Variants in SMIM17 observed in about 807,000 individuals in gnomAD.
SMIM17 encodes small integral membrane protein 17.
SMIM17 carries 10 observed loss-of-function variants against 12.2 expected under a neutral mutation model. The observed-to-expected ratio is 0.82, with a 90% CI of 0.50 to 1.39. SMIM17 has a LOEUF of 1.39. Among genes scored for constraint, SMIM17 ranks in the 40% most tolerant of loss-of-function variants. The pLI is 0.00. For missense variants in SMIM17, 136 were observed against 118.2 expected (o/e 1.15, Z -0.70); for synonymous variants, 50 against 44.1 (o/e 1.13, Z -0.53).
intron 3 of SMIM17, among the ~76,000 whole-genome samples, chr19:56,653,928 C>T (rs923070055): frequency 6.6e-6 from 1 of 152,076 alleles, no homozygotes; most frequent in African/African-American, 2.4e-5. Context: ...CCTAACTTTC[C>T]AGATAATCCA....
intron 3 of SMIM17, among the ~76,000 whole-genome samples, chr19:56,653,108 A>AACCAAC (rs2045122374): frequency 6.6e-6 from 1 of 152,218 alleles, no homozygotes; most frequent in South Asian, 2.1e-4. Context: ...ACATCCGTGT[A>AACCAAC]ACCAACACCC....
intron 3 of SMIM17, among the ~76,000 whole-genome samples, chr19:56,651,277 AT>A (rs1741840006): frequency 6.6e-6 from 1 of 152,150 alleles, no homozygotes; most frequent in South Asian, 2.1e-4. Flanking sequence ...CAACGTGTAA[AT>A]GGCAGAGCTA....
intron 2 of SMIM17, 108 bp from the exon 3 acceptor site, chr19:56,647,441 GAGAGAGAGA>G: frequency 1.6e-6 from 1 of 612,282 alleles, no homozygotes; most frequent in African/African-American, 2.2e-5. Flanking sequence ...GAGAGAGAGA[GAGAGAGAGA>G]GGAGGCTATT....
chr19:56,650,060 G>A (rs1435019139), intron 3 of SMIM17, among the ~76,000 whole-genome samples: 1 of 152,182 alleles, frequency 6.6e-6, no homozygotes, highest in Non-Finnish European at 1.5e-5. Context: ...AGAGTTTAGA[G>A]GGGCAAAGGA....
intron 3 of SMIM17, among the ~76,000 whole-genome samples, chr19:56,650,102 G>C (rs1378155778): frequency 6.6e-6 from 1 of 152,080 alleles, no homozygotes; most frequent in African/African-American, 2.4e-5. Context: ...AGGGAAAAAA[G>C]GTAGAAATGA....
chr19:56,648,165 TCCATCCATC>T (rs2045081119), intron 3 of SMIM17, among the ~76,000 whole-genome samples: 1 of 146,974 alleles, frequency 6.8e-6, no homozygotes, highest in African/African-American at 2.5e-5. Context: ...CATCCATCCA[TCCATCCATC>T]CATCCATGCA....
At chr19:56,655,047 A>T in intron 3 of SMIM17, 56 bp from the exon 4 acceptor site, 1 of 603,804 alleles carries the variant, frequency 1.7e-6, no homozygotes, top group Non-Finnish European at 3.0e-6. Context: ...TCCTGCAAGT[A>T]ACAATGGTGG....
chr19:56,644,043 T>A, intron 1 of SMIM17, among the ~76,000 whole-genome samples: 1 of 151,954 alleles, frequency 6.6e-6, no homozygotes, highest in East Asian at 1.9e-4. Flanking sequence ...TCTCATCCCC[T>A]TTCCTTCTTC....
rs2045074420 is a variant in SMIM17, at chr19:56,647,588, A to C, written c.200A>C (p.Gln67Pro). The part of the protein sequence containing the change: ...DLSSQETGLS[Q>P]EWSSVEEDDE... ...TCTTCTCAAGAGACTGGGCTTTCCC[A>C]GGAGTGGAGCTCGGTGGAGGAAGAT... Residue 67 changes from glutamine to proline, a missense_variant, in exon 3 of 4, where the codon CAG becomes CCG. Physicochemically the swap from Gln to Pro is moderately conservative, Grantham distance 76. Transcript: ENST00000598409. The C allele has an allele frequency of 6.5e-7, 1 of 1,535,788 alleles. No homozygotes were observed. The highest frequency in any genetic ancestry group is 8.7e-7 in the Non-Finnish European group (1 of 1,146,736).
At chr19:56,645,103 G>A (rs551174843) in intron 1 of SMIM17, among the ~76,000 whole-genome samples, 2 of 150,594 alleles carry the variant, frequency 1.3e-5, no homozygotes, top group South Asian at 2.1e-4. Flanking sequence ...GTGTGTATAT[G>A]AGTATGTGAG....
In SMIM17 at chr19:56,657,132, C is replaced by A. The variant is rs371351699; in HGVS notation, c.*1919C>A. Among the ~76,000 whole-genome samples the A allele has an allele frequency of 6.6e-6, 1 of 151,994 alleles. No homozygotes were observed. Among genetic ancestry groups the A allele is most frequent in the Admixed American group, 6.6e-5 (1 of 15,250 alleles). ...TTATGTACTCAACAGCTGTGTAATT[C>A]GAGGCATATAAGTGCAGCATTGTTA... On this transcript the variant is annotated 3_prime_UTR_variant, in exon 4 of 4. Transcript: ENST00000598409.
chr19:56,652,671 A>AAAAGAG (rs1555778634), intron 3 of SMIM17, among the ~76,000 whole-genome samples: 14 of 150,270 alleles, frequency 9.3e-5, no homozygotes, highest in Admixed American at 4.6e-4. Flanking sequence ...AGAAAAAAAA[A>AAAAGAG]AGAGAGAGAG....
In SMIM17 at chr19:56,656,959, C is replaced by G. The variant is rs557217480; in HGVS notation, c.*1746C>G. Among the ~76,000 whole-genome samples, 1 of 152,204 alleles carries G rather than the reference C, an allele frequency of 6.6e-6. No homozygotes were observed. The highest frequency in any genetic ancestry group is 2.1e-4 in the South Asian group (1 of 4,818). Reference sequence around the variant, plus strand: ...CTGTAGAACTGAAAACTTTATGTGCCTGTTAGTTAACTCAGTATCGTCAAT... The same window carrying G: ...CTGTAGAACTGAAAACTTTATGTGCGTGTTAGTTAACTCAGTATCGTCAAT... On this transcript the variant is annotated 3_prime_UTR_variant, in exon 4 of 4. Coordinates refer to ENST00000598409, the MANE Select transcript of SMIM17 (RefSeq NM_001193628.2).
At chr19:56,646,388 T>A (rs1446635834) in intron 2 of SMIM17, among the ~76,000 whole-genome samples, 1 of 152,202 alleles carries the variant, frequency 6.6e-6, no homozygotes, top group Non-Finnish European at 1.5e-5. Flanking sequence ...GGCGTGGTCT[T>A]ATACCCCACT....
intron 3 of SMIM17, among the ~76,000 whole-genome samples, chr19:56,649,435 A>G (rs1411338612): frequency 6.6e-6 from 1 of 152,210 alleles, no homozygotes; most frequent in Non-Finnish European, 1.5e-5. Context: ...ACAGACGACA[A>G]TTGAAATAAG....
In SMIM17 at chr19:56,647,601, G is replaced by A. The variant is rs774955990; in HGVS notation, c.213G>A (p.Ser71=). Residue 71 remains serine (S), a synonymous_variant, in exon 3 of 4, where the codon TCG becomes TCA. Transcript: ENST00000598409. ...CTGGGCTTTCCCAGGAGTGGAGCTC[G>A]GTGGAGGAAGATGACGAATCAGAGG... ...QETGLSQEWS[S]VEEDDESEGS... is the part of the protein sequence containing the mutation. The A allele has an allele frequency of 1.2e-5, 19 of 1,535,730 alleles. No individual in the cohort carries two copies. The East Asian group carries it at 1.7e-4, about 14-fold the overall frequency.
rs1185623623 is a variant in SMIM17, at chr19:56,656,138, G to A, written c.*925G>A. 6.6e-6 allele frequency among the ~76,000 whole-genome samples: 1 copy of A among 151,732 alleles called. No individual in the cohort carries two copies. The highest frequency in any genetic ancestry group is 1.5e-5 in the Non-Finnish European group (1 of 67,940). ...TTTTTGTATTTTTAGTAGAGACGGG[G>A]TTTCACCGTGTTAGCCAGGATGGTC... On this transcript the variant is annotated 3_prime_UTR_variant, in exon 4 of 4. Coordinates refer to ENST00000598409, the MANE Select transcript of SMIM17 (RefSeq NM_001193628.2).
chr19:56,643,524 CT>C (rs1374752925), intron 1 of SMIM17, among the ~76,000 whole-genome samples: 1 of 152,136 alleles, frequency 6.6e-6, no homozygotes, highest in Admixed American at 6.5e-5. Flanking sequence ...CCTGTGTACC[CT>C]CGTGGGGCGG....
At position 56,647,429 on chromosome 19, in the gene SMIM17, G is replaced by GAGAGAGAGAGAGAGAGAGAGAGAGAGAC. The variant is rs1568517312; in HGVS notation, c.170-107_170-106insAGAGACAGAGAGAGAGAGAGAGAGAGAG. Reference sequence around the variant, plus strand: ...AGAGAGAGAAGGAGGGTGAGAGAGAGAGAGAGAGAGAGAGAGAGAGAGGAG... The same window carrying GAGAGAGAGAGAGAGAGAGAGAGAGAGAC: ...AGAGAGAGAAGGAGGGTGAGAGAGAGAGAGAGAGAGAGAGAGAGAGAGAGAGACAGAGAGAGAGAGAGAGAGAGAGGAG... On this transcript the variant is annotated intron_variant, in intron 2 of 3. Coordinates refer to ENST00000598409, the MANE Select transcript of SMIM17 (RefSeq NM_001193628.2). 2.0e-4 allele frequency: 76 copies of GAGAGAGAGAGAGAGAGAGAGAGAGAGAC among 375,158 alleles called. No individual in the cohort carries two copies. The African/African-American group carries it at 3.0e-3, about 15-fold the overall frequency. 23.2% of individuals were successfully genotyped at this position (375,158 alleles called of 1,614,324 possible).
Sources: gnomAD v4.1 joint callset for allele counts (sites outside exome capture counted in the v4.1 genomes callset) on GRCh38, gnomAD v4.1.1 for gene constraint, MANE v1.5 for transcripts, NCBI Gene and HGNC (gene_info 2026-07-23, HGNC 2026-07-21) for gene names.